Variants in CPNE4 observed in about 807,000 individuals in gnomAD.
CPNE4 encodes the protein copine-4.
Under a neutral mutation model 67.9 loss-of-function variants are expected in CPNE4, and 25 were observed. That is an observed-to-expected ratio of 0.37 (90% CI 0.27 to 0.51). The LOEUF (loss-of-function observed/expected upper bound fraction) is 0.51. Among genes scored for constraint, CPNE4 ranks in the 20% least tolerant of loss-of-function variants. CPNE4 has a pLI of 0.93. For synonymous variants in CPNE4, 242 were observed against 244.9 expected (o/e 0.99, Z 0.11); for missense variants, 464 against 690.8 (o/e 0.67, Z 3.68).
chr3:131,806,581 A>G (rs564976327), intron 2 of CPNE4, among the ~76,000 whole-genome samples: 1 of 152,052 alleles, frequency 6.6e-6, no homozygotes, highest in Admixed American at 6.5e-5. Flanking sequence ...AAATAGGAAC[A>G]ATTTTTATAG....
intron 1 of CPNE4, among the ~76,000 whole-genome samples, chr3:131,979,219 T>A (rs533936090): frequency 1.3e-5 from 2 of 152,190 alleles, no homozygotes; most frequent in African/African-American, 4.8e-5. Context: ...ATTTGTTCCA[T>A]ATAGTTTAAA....
At chr3:131,732,991 G>C (rs115999079) in intron 2 of CPNE4, among the ~76,000 whole-genome samples, 146 of 152,252 alleles carry the variant, frequency 9.6e-4, no homozygotes, top group Middle Eastern at 3.4e-3. Context: ...ACTGAGCAAT[G>C]GGTATGCACC....
At chr3:131,866,241 T>TTC (rs1560499322) in intron 2 of CPNE4, among the ~76,000 whole-genome samples, 1 of 152,206 alleles carries the variant, frequency 6.6e-6, no homozygotes, top group Non-Finnish European at 1.5e-5. Flanking sequence ...TGAGAGAGTC[T>TTC]CCACAACAGT....
At chr3:131,934,499 G>T (rs2071162802) in intron 1 of CPNE4, among the ~76,000 whole-genome samples, 1 of 152,102 alleles carries the variant, frequency 6.6e-6, no homozygotes, top group South Asian at 2.1e-4. Flanking sequence ...GTGCCATGGT[G>T]CTTTGCTGCA....
chr3:131,750,606 TTG>T (rs1308781721), intron 2 of CPNE4, among the ~76,000 whole-genome samples: 5 of 152,230 alleles, frequency 3.3e-5, no homozygotes, highest in South Asian at 4.1e-4. Flanking sequence ...TATAATAGAA[TTG>T]TCTTAAATAT....
chr3:131,758,847 G>A lies in CPNE4; in HGVS notation c.181-35222C>T, dbSNP rs536953836. ...TCTGATTGGCTCATCTGGGGTTTCC[G>A]CTTTTGCTTATTCCTCATTTTCTCT... On this transcript the variant is annotated intron_variant, in intron 2 of 15. Coordinates refer to ENST00000429747, the MANE Select transcript of CPNE4 (RefSeq NM_130808.3). 2.6e-5 allele frequency among the ~76,000 whole-genome samples: 4 copies of A among 152,194 alleles called. No homozygotes were observed. In the South Asian group the frequency reaches 6.2e-4, roughly 24 times the overall value.
chr3:131,590,495 C>T (rs1220364630), intron 7 of CPNE4, among the ~76,000 whole-genome samples: 1 of 152,116 alleles, frequency 6.6e-6, no homozygotes, highest in African/African-American at 2.4e-5. Flanking sequence ...ATTACTGCAG[C>T]ATAACTTAGT....
At chr3:132,024,584 C>A (rs78933059) in intron 1 of CPNE4, among the ~76,000 whole-genome samples, 4,516 of 152,236 alleles carry the variant, frequency 0.03, 237 homozygotes, top group African/African-American at 0.1. Flanking sequence ...ATATATCAGG[C>A]TAATCACCCT....
At chr3:132,030,384 C>T (rs563901696) in intron 1 of CPNE4, among the ~76,000 whole-genome samples, 33 of 152,202 alleles carry the variant, frequency 2.2e-4, no homozygotes, top group Non-Finnish European at 4.0e-4. Flanking sequence ...TGCACATTAA[C>T]GGAGATGGCT....
At chr3:131,545,650 T>C (rs1935790779) in intron 14 of CPNE4, among the ~76,000 whole-genome samples, 1 of 152,216 alleles carries the variant, frequency 6.6e-6, no homozygotes, top group African/African-American at 2.4e-5. Context: ...AAAATGTAAA[T>C]ACAGAAGCAT....
intron 7 of CPNE4, among the ~76,000 whole-genome samples, chr3:131,658,055 A>G (rs1217061010): frequency 6.6e-6 from 1 of 152,198 alleles, no homozygotes; most frequent in East Asian, 1.9e-4. Context: ...GTATTCAGGT[A>G]TCAGGAAAGA....
At chr3:131,940,705 T>A (rs1473049415) in intron 1 of CPNE4, among the ~76,000 whole-genome samples, 3 of 152,038 alleles carry the variant, frequency 2.0e-5, no homozygotes, top group Admixed American at 6.6e-5. Flanking sequence ...AGTTCTAGGA[T>A]AAGGAAAATT....
intron 1 of CPNE4, among the ~76,000 whole-genome samples, chr3:131,917,657 A>G (rs896401928): frequency 2.9e-4 from 44 of 152,194 alleles, no homozygotes; most frequent in African/African-American, 7.7e-4. Flanking sequence ...AGAAATGCAT[A>G]TTCACTGAAG....
At chr3:131,968,847 C>A (rs1489773516) in intron 1 of CPNE4, among the ~76,000 whole-genome samples, 1 of 152,164 alleles carries the variant, frequency 6.6e-6, no homozygotes, top group African/African-American at 2.4e-5. Context: ...CCCAGCAATC[C>A]AATTACTGGG....
intron 3 of CPNE4, among the ~76,000 whole-genome samples, chr3:131,716,151 C>T (rs1583068637): frequency 1.3e-5 from 2 of 152,060 alleles, no homozygotes; most frequent in East Asian, 3.9e-4. Flanking sequence ...CTTCTATTTT[C>T]CTTTCCTAAA....
chr3:131,740,593 G>A (rs2082334171), intron 2 of CPNE4, among the ~76,000 whole-genome samples: 1 of 151,920 alleles, frequency 6.6e-6, no homozygotes, highest in Non-Finnish European at 1.5e-5. Flanking sequence ...CCCCACTGTT[G>A]CCACTTCATG....
chr3:131,545,529 CAT>C (rs1011914153), intron 14 of CPNE4, among the ~76,000 whole-genome samples: 4 of 152,030 alleles, frequency 2.6e-5, no homozygotes, highest in Admixed American at 6.6e-5. Flanking sequence ...TAAAAAAACA[CAT>C]ATTTTCCTGT....
At chr3:131,864,966 G>A (rs1432753542) in intron 2 of CPNE4, among the ~76,000 whole-genome samples, 1 of 129,600 alleles carries the variant, frequency 7.7e-6, no homozygotes, top group Middle Eastern at 3.5e-3. Context: ...TGAGATAATC[G>A]TGGTTTTCGT....
At chr3:131,863,150 A>G (rs1377291808) in intron 2 of CPNE4, among the ~76,000 whole-genome samples, 1 of 152,216 alleles carries the variant, frequency 6.6e-6, no homozygotes, top group Non-Finnish European at 1.5e-5. Flanking sequence ...GATATTGTGA[A>G]TAGTGCAACA....
Sources: gnomAD v4.1 joint callset for allele counts (sites outside exome capture counted in the v4.1 genomes callset) on GRCh38, gnomAD v4.1.1 for gene constraint, MANE v1.5 for transcripts, NCBI Gene and HGNC (gene_info 2026-07-23, HGNC 2026-07-21) for gene names.